ARHGEF3: variants seen among roughly 807,000 people sequenced by gnomAD.
ARHGEF3 encodes the protein Rho guanine nucleotide exchange factor 3.
Under a neutral mutation model 63.2 loss-of-function variants are expected in ARHGEF3, and 28 were observed. The observed-to-expected ratio is 0.44, with a 90% CI of 0.33 to 0.61. The LOEUF (loss-of-function observed/expected upper bound fraction) is 0.61. Ranked by LOEUF, ARHGEF3 falls within the 20% of genes least tolerant of loss-of-function variation. The probability of loss-of-function intolerance (pLI) is 0.03; values close to 1 mark genes in which losing one functional copy is unlikely to be tolerated. For missense variants in ARHGEF3, 533 were observed against 659.3 expected (o/e 0.81, Z 2.10); for synonymous variants, 266 against 254.2 (o/e 1.05, Z -0.44).
intron 2 of ARHGEF3, among the ~76,000 whole-genome samples, chr3:56,967,755 A>C (rs1700621718): frequency 1.2e-5 from 1 of 84,174 alleles, no homozygotes; most frequent in Non-Finnish European, 2.0e-5. Flanking sequence ...TATTATATAT[A>C]CAATTATATA....
chr3:57,059,308 C>A (rs1466451474), intron 1 of ARHGEF3, among the ~76,000 whole-genome samples: 1 of 151,646 alleles, frequency 6.6e-6, no homozygotes, highest in East Asian at 1.9e-4. Context: ...TTTTTGGCTT[C>A]TCTGGGACAC....
chr3:56,752,183 A>T (rs940604928), intron 4 of ARHGEF3, among the ~76,000 whole-genome samples: 2 of 151,864 alleles, frequency 1.3e-5, no homozygotes, highest in Admixed American at 6.6e-5. Flanking sequence ...GGCCTCCCAA[A>T]GTGCTGGGAT....
At chr3:56,907,912 T>C (rs1193621863) in intron 3 of ARHGEF3, among the ~76,000 whole-genome samples, 2 of 152,116 alleles carry the variant, frequency 1.3e-5, no homozygotes, top group East Asian at 3.9e-4. Context: ...AAATAACTAA[T>C]GGGTACTGGG....
At chr3:56,898,216 T>G (rs1283162408) in intron 3 of ARHGEF3, among the ~76,000 whole-genome samples, 1 of 152,050 alleles carries the variant, frequency 6.6e-6, no homozygotes, top group Non-Finnish European at 1.5e-5. Flanking sequence ...TATGTCTTAT[T>G]TATTTATTTA....
intron 2 of ARHGEF3, among the ~76,000 whole-genome samples, chr3:56,977,107 T>C (rs1244299265): frequency 1.3e-5 from 2 of 152,094 alleles, no homozygotes; most frequent in Non-Finnish European, 2.9e-5. Flanking sequence ...AGAGCTTAGA[T>C]TTAGAAATGC....
chr3:56,784,277 T>C (rs1328349554), intron 1 of ARHGEF3, among the ~76,000 whole-genome samples: 1 of 152,168 alleles, frequency 6.6e-6, no homozygotes, highest in East Asian at 1.9e-4. Flanking sequence ...GCCCGGAGGA[T>C]GTTTTCTCAC....
chr3:56,974,173 T>C (rs757028749), intron 2 of ARHGEF3, among the ~76,000 whole-genome samples: 16 of 152,224 alleles, frequency 1.1e-4, no homozygotes, highest in Admixed American at 2.0e-4. Context: ...ATATGGTAGA[T>C]GCTCAATAAC....
chr3:56,755,939 C>G (rs1337292998), intron 2 of ARHGEF3, among the ~76,000 whole-genome samples: 1 of 152,168 alleles, frequency 6.6e-6, no homozygotes, highest in African/African-American at 2.4e-5. Flanking sequence ...CCAGAAAGAA[C>G]CACCCTTAGA....
chr3:56,760,582 G>T (rs2035361208), intron 2 of ARHGEF3, among the ~76,000 whole-genome samples: 1 of 152,146 alleles, frequency 6.6e-6, no homozygotes, highest in Non-Finnish European at 1.5e-5. Context: ...TATTCTCTCT[G>T]ATTCTCACAA....
chr3:57,018,512 C>G (rs1703117399), intron 2 of ARHGEF3, among the ~76,000 whole-genome samples: 1 of 152,138 alleles, frequency 6.6e-6, no homozygotes, highest in Admixed American at 6.5e-5. Flanking sequence ...TCCAAAAGGT[C>G]ACACATCTGG....
intron 1 of ARHGEF3, among the ~76,000 whole-genome samples, chr3:57,056,300 T>C (rs1704930961): frequency 6.7e-6 from 1 of 148,990 alleles, no homozygotes; most frequent in Non-Finnish European, 1.5e-5. Flanking sequence ...GGCAGGAGAA[T>C]CTCTTGAACC....
At chr3:56,820,479 A>G (rs1182200015) in intron 4 of ARHGEF3, among the ~76,000 whole-genome samples, 6 of 152,176 alleles carry the variant, frequency 3.9e-5, no homozygotes, top group African/African-American at 1.4e-4. Context: ...AGGGGGGGAC[A>G]GTGAGATTTT....
chr3:57,044,590 C>T (rs1223023363), intron 1 of ARHGEF3, among the ~76,000 whole-genome samples: 1 of 152,204 alleles, frequency 6.6e-6, no homozygotes, highest in Non-Finnish European at 1.5e-5. Flanking sequence ...GCCCCTGTGG[C>T]TTAATTACAT....
chr3:56,851,891 G>T (rs761153585), intron 4 of ARHGEF3, among the ~76,000 whole-genome samples: 1 of 152,198 alleles, frequency 6.6e-6, no homozygotes. Flanking sequence ...TTACAGGTAC[G>T]AGTTACCATG....
chr3:56,956,713 A>G (rs911710284), intron 3 of ARHGEF3, among the ~76,000 whole-genome samples: 3 of 152,184 alleles, frequency 2.0e-5, no homozygotes, highest in Admixed American at 6.5e-5. Context: ...TGTACCCACA[A>G]GCCTTGGCTA....
At chr3:57,020,316 G>A (rs1667464790) in intron 2 of ARHGEF3, among the ~76,000 whole-genome samples, 1 of 152,186 alleles carries the variant, frequency 6.6e-6, no homozygotes, top group African/African-American at 2.4e-5. Flanking sequence ...TCTCACTTGT[G>A]AAAAAGGACA....
intron 3 of ARHGEF3, among the ~76,000 whole-genome samples, chr3:56,910,805 G>A (rs1303279796): frequency 6.6e-6 from 1 of 152,144 alleles, no homozygotes; most frequent in Non-Finnish European, 1.5e-5. Context: ...TAATCATAGT[G>A]AGCATTTTTG....
At chr3:56,799,967 C>G (rs377257553) in intron 1 of ARHGEF3, among the ~76,000 whole-genome samples, 1 of 152,016 alleles carries the variant, frequency 6.6e-6, no homozygotes, top group African/African-American at 2.4e-5. Flanking sequence ...TATCCCCATA[C>G]GAGGAAAATA....
At chr3:56,946,578 A>T (rs1699511021) in intron 3 of ARHGEF3, among the ~76,000 whole-genome samples, 1 of 152,222 alleles carries the variant, frequency 6.6e-6, no homozygotes, top group African/African-American at 2.4e-5. Flanking sequence ...GTTTAGAGAA[A>T]AAAGAATAAA....
Sources: allele counts gnomAD v4.1 joint callset (sites outside exome capture counted in the v4.1 genomes callset), GRCh38; gene constraint gnomAD v4.1.1; transcripts MANE v1.5; gene names NCBI Gene and HGNC (gene_info 2026-07-23, HGNC 2026-07-21).